Variants in KCNIP4 observed in about 807,000 individuals in gnomAD.
KCNIP4 encodes the protein Kv channel-interacting protein 4.
A neutral mutation model predicts 34.0 loss-of-function variants in KCNIP4; 12 were observed. The observed-to-expected ratio is 0.35, with a 90% CI of 0.23 to 0.57. The LOEUF (loss-of-function observed/expected upper bound fraction) is 0.57. Ranked by LOEUF, KCNIP4 falls within the 20% of genes least tolerant of loss-of-function variation. KCNIP4 has a pLI of 0.83. For missense variants in KCNIP4, 238 were observed against 311.7 expected (o/e 0.76, Z 1.78); for synonymous variants, 124 against 102.2 (o/e 1.21, Z -1.29).
chr4:21,479,029 A>G (rs1731214051), intron 1 of KCNIP4, among the ~76,000 whole-genome samples: 1 of 152,156 alleles, frequency 6.6e-6, no homozygotes, highest in South Asian at 2.1e-4. Flanking sequence ...CATGCCAATC[A>G]CTTTTTTCAG....
chr4:21,864,534 G>A (rs1335891151), intron 1 of KCNIP4, among the ~76,000 whole-genome samples: 1 of 152,126 alleles, frequency 6.6e-6, no homozygotes, highest in Non-Finnish European at 1.5e-5. Flanking sequence ...AAAATCTCAG[G>A]ATTCCTCCAG....
chr4:20,834,383 G>A (rs1453096807), intron 3 of KCNIP4, among the ~76,000 whole-genome samples: 1 of 152,178 alleles, frequency 6.6e-6, no homozygotes. Context: ...GGGTAAGCCA[G>A]ACAGCAGCAA....
intron 1 of KCNIP4, among the ~76,000 whole-genome samples, chr4:20,923,180 CTT>C (rs950866583): frequency 2.6e-5 from 4 of 152,116 alleles, no homozygotes; most frequent in Non-Finnish European, 4.4e-5. Context: ...AAAAGTTTGT[CTT>C]TGTTTCACAG....
chr4:21,166,598 A>T (rs568854216), intron 1 of KCNIP4, among the ~76,000 whole-genome samples: 2 of 152,208 alleles, frequency 1.3e-5, no homozygotes, highest in Admixed American at 1.3e-4. Flanking sequence ...TCATAACAGC[A>T]TTATTCATAA....
At chr4:21,287,153 G>A (rs924269404) in intron 1 of KCNIP4, among the ~76,000 whole-genome samples, 3 of 152,168 alleles carry the variant, frequency 2.0e-5, no homozygotes, top group African/African-American at 7.2e-5. Flanking sequence ...TGTTGCTCCA[G>A]TAGTGCTATA....
At chr4:21,931,396 C>T (rs888745104) in intron 1 of KCNIP4, among the ~76,000 whole-genome samples, 3 of 145,612 alleles carry the variant, frequency 2.1e-5, no homozygotes, top group African/African-American at 7.6e-5. Flanking sequence ...TTAGGTATAT[C>T]TCCTAATGCC....
At chr4:21,206,135 C>G (rs947113610) in intron 1 of KCNIP4, among the ~76,000 whole-genome samples, 1 of 152,186 alleles carries the variant, frequency 6.6e-6, no homozygotes, top group Non-Finnish European at 1.5e-5. Context: ...CCTGTCGCGT[C>G]TAGATAAGCT....
intron 1 of KCNIP4, among the ~76,000 whole-genome samples, chr4:21,200,929 G>A (rs372852259): frequency 6.6e-6 from 1 of 152,090 alleles, no homozygotes; most frequent in East Asian, 1.9e-4. Context: ...ATAGGCAAGA[G>A]ATGCCACTTC....
chr4:20,963,345 C>T lies in KCNIP4; in HGVS notation c.62-80636G>A, dbSNP rs536655642. Among the ~76,000 whole-genome samples the T allele has an allele frequency of 2.8e-3, 416 of 146,312 alleles. 1 individual carries two copies. Among genetic ancestry groups the T allele is most frequent in the African/African-American group, 9.7e-3 (383 of 39,608 alleles). ...CCGTCTCAAAAAACAAAAAAAAAAACAACAAAAAAAGAAAGTATAAATAAT... is the reference window on the plus strand; with the variant it reads ...CCGTCTCAAAAAACAAAAAAAAAAATAACAAAAAAAGAAAGTATAAATAAT... On this transcript the variant is annotated intron_variant, in intron 1 of 8. Transcript: ENST00000382152.
chr4:20,920,122 T>G (rs1283527641), intron 1 of KCNIP4, among the ~76,000 whole-genome samples: 1 of 152,204 alleles, frequency 6.6e-6, no homozygotes, highest in East Asian at 1.9e-4. Flanking sequence ...ATATTGAAAT[T>G]TATAATATCA....
intron 1 of KCNIP4, among the ~76,000 whole-genome samples, chr4:21,289,158 T>C (rs1285132247): frequency 1.3e-5 from 2 of 152,180 alleles, no homozygotes; most frequent in African/African-American, 4.8e-5. Flanking sequence ...TTTTTATTAA[T>C]TTTTAATTAT....
At chr4:21,501,269 C>A (rs1346835633) in intron 1 of KCNIP4, among the ~76,000 whole-genome samples, 1 of 151,508 alleles carries the variant, frequency 6.6e-6, no homozygotes, top group Admixed American at 6.6e-5. Flanking sequence ...CACACACACA[C>A]ACACATGCCA....
chr4:21,849,031 T>C (rs1453912282), intron 1 of KCNIP4: 2 of 151,662 alleles, frequency 1.3e-5, no homozygotes, highest in South Asian at 2.1e-4. Flanking sequence ...TGCCAAACCT[T>C]AGTTGTATTT....
In KCNIP4 at chr4:21,501,688, T is replaced by TTGTGTG. The variant is rs370071298; in HGVS notation, c.61+446877_61+446882dup. Among the ~76,000 whole-genome samples the TTGTGTG allele has an allele frequency of 2.8e-3, 355 of 127,316 alleles. 6 individuals are homozygous for TTGTGTG. Among genetic ancestry groups the TTGTGTG allele is most frequent in the African/African-American group, 9.2e-3 (296 of 32,336 alleles). The allele number at this position is 127,316 out of a possible 152,430, so 83.5% of individuals were successfully genotyped here. A position where few individuals can be genotyped will look rare whatever the true frequency, so the allele number is the denominator to read the frequency against. ...TTCACATTTTGGGAATGCAGAAGCC[T>TTGTGTG]TGTGTGTGTGTGTGTGTGTGTGTGT... On this transcript the variant is annotated intron_variant, in intron 1 of 8. Coordinates refer to ENST00000382152, the MANE Select transcript of KCNIP4 (RefSeq NM_025221.6).
intron 1 of KCNIP4, among the ~76,000 whole-genome samples, chr4:21,542,443 T>C (rs1488841536): frequency 6.6e-6 from 1 of 152,138 alleles, no homozygotes; most frequent in African/African-American, 2.4e-5. Flanking sequence ...AGCTCAAATA[T>C]ATCATTTTAA....
intron 1 of KCNIP4, among the ~76,000 whole-genome samples, chr4:21,461,707 G>A (rs1278052435): frequency 6.6e-6 from 1 of 151,740 alleles, no homozygotes; most frequent in Non-Finnish European, 1.5e-5. Flanking sequence ...ACGTGTGTCC[G>A]GGCTGTTCAT....
At chr4:21,110,957 T>C (rs1193910892) in intron 1 of KCNIP4, among the ~76,000 whole-genome samples, 1 of 152,188 alleles carries the variant, frequency 6.6e-6, no homozygotes, top group African/African-American at 2.4e-5. Flanking sequence ...TATAAATAAG[T>C]TTTAGGCTTC....
chr4:21,137,875 T>TTTTTC (rs1751627154), intron 1 of KCNIP4, among the ~76,000 whole-genome samples: 1 of 133,490 alleles, frequency 7.5e-6, no homozygotes, highest in African/African-American at 3.0e-5. Context: ...CACAGGCTTT[T>TTTTTC]TTGTTTTTTT....
intron 1 of KCNIP4, among the ~76,000 whole-genome samples, chr4:21,203,127 G>T (rs976935183): frequency 1.3e-5 from 2 of 152,212 alleles, no homozygotes; most frequent in African/African-American, 4.8e-5. Flanking sequence ...ACTCATGCAG[G>T]TTCTGAAAAA....
Sources: allele counts gnomAD v4.1 joint callset (sites outside exome capture counted in the v4.1 genomes callset), GRCh38; gene constraint gnomAD v4.1.1; transcripts MANE v1.5; gene names NCBI Gene and HGNC (gene_info 2026-07-23, HGNC 2026-07-21).